ZBTB42: variants seen among roughly 807,000 people sequenced by gnomAD.
The protein encoded by ZBTB42 is zinc finger and BTB domain-containing protein 42.
ZBTB42 carries 3 observed loss-of-function variants against 4.7 expected under a neutral mutation model. The ratio of observed to expected loss-of-function variants is 0.64; its 90% CI spans 0.29 to 1.66. The LOEUF (loss-of-function observed/expected upper bound fraction) is 1.66, where lower values mean the gene tolerates loss of function less well. ZBTB42 is among the 40% of genes most tolerant of loss of function. The probability of loss-of-function intolerance (pLI) is 0.10; values close to 1 mark genes in which losing one functional copy is unlikely to be tolerated. For missense variants in ZBTB42, 521 were observed against 577.1 expected, an observed-to-expected ratio of 0.90 and a Z score of 1.00; for synonymous variants, 255 against 259.5, an observed-to-expected ratio of 0.98 and a Z score of 0.17.
In ZBTB42 at chr14:104,801,677, C is replaced by A. The variant is rs1000442977; in HGVS notation, c.480C>A (p.Pro160=). 1.3e-6 allele frequency: 2 copies of A among 1,550,168 alleles called. No homozygotes were observed. Among genetic ancestry groups the A allele is most frequent in the African/African-American group, 1.4e-5 (1 of 73,062 alleles). ...LCPAARKAKL[P]PFGVKAALPP... is the part of the protein sequence containing the mutation. ...CAGCTGCCCGAAAGGCCAAGCTCCCCCCGTTTGGGGTCAAGGCTGCCCTCC... is the reference window on the plus strand; with the variant it reads ...CAGCTGCCCGAAAGGCCAAGCTCCCACCGTTTGGGGTCAAGGCTGCCCTCC... Residue 160 remains proline, a synonymous_variant, in exon 1 of 1, where the codon CCC becomes CCA. Transcript: ENST00000342537. This position sits in a 1 kb window ranked among gnomAD's most constrained non-coding sequence, Gnocchi z 4.4.
At position 104,802,280 on chromosome 14, in the gene ZBTB42, C is replaced by T. The variant is rs1484448302; in HGVS notation, c.1083C>T (p.Pro361=). 6.5e-6 allele frequency: 10 copies of T among 1,550,302 alleles called. No individual in the cohort carries two copies. In the Admixed American group the frequency reaches 7.8e-5, roughly 12 times the overall value. ...RHERTHSGEK[P]YTCVQCGKSF... ...AGCGGACACACTCGGGTGAGAAGCC[C>T]TATACGTGTGTGCAGTGTGGCAAAA... Residue 361 remains proline, a synonymous_variant, in exon 1 of 1, where the codon CCC becomes CCT. Transcript: ENST00000342537. This position sits in a 1 kb window ranked among gnomAD's most constrained non-coding sequence, Gnocchi z 5.9.
chr14:104,801,532 A>T lies in ZBTB42; in HGVS notation c.335A>T (p.Lys112Met). 6.5e-7 allele frequency: 1 copy of T among 1,550,166 alleles called. No homozygotes were observed. ...ASYLHMYDIV[K>M]VCKGRLQEKD... is the part of the protein sequence containing the mutation. Reference sequence around the variant, plus strand: ...TACCTGCACATGTATGACATCGTCAAGGTCTGCAAGGGCAGGCTCCAGGAG... The same window carrying T: ...TACCTGCACATGTATGACATCGTCATGGTCTGCAAGGGCAGGCTCCAGGAG... The change falls in exon 1 of 1, where the codon AAG becomes ATG. Residue 112 changes from lysine (K) to methionine (M), a missense_variant. Coordinates refer to ENST00000342537, the MANE Select transcript of ZBTB42 (RefSeq NM_001137601.3). The surrounding 1 kb of genome is among the most constrained non-coding windows in gnomAD (Gnocchi z 4.4).
chr14:104,804,009 GT>G lies in ZBTB42; in HGVS notation c.*1544del, dbSNP rs1894114207. 1 of 166,738 alleles carries G rather than the reference GT, an allele frequency of 6.0e-6. No individual in the cohort carries two copies. The highest frequency in any genetic ancestry group is 1.5e-5 in the Non-Finnish European group (1 of 68,120). 10.3% of individuals were successfully genotyped at this position (166,738 alleles called of 1,614,324 possible). A position where few individuals can be genotyped will look rare whatever the true frequency, so the allele number is the denominator to read the frequency against. On this transcript the variant is annotated 3_prime_UTR_variant, in exon 1 of 1. Coordinates refer to ENST00000342537, the MANE Select transcript of ZBTB42 (RefSeq NM_001137601.3). ...CAGCCTGGGAGCCCAGCGCTTCTGG[GT>G]GATGCCCCAGGGCTCAGAGGCCCTG... is the stretch of plus-strand genomic sequence containing the variant.
At position 104,802,485 on chromosome 14, in the gene ZBTB42, G is replaced by C. The variant is rs1432357609; in HGVS notation, c.*19G>C. The C allele has an allele frequency of 6.5e-7, 1 of 1,540,402 alleles. No homozygotes were observed. The highest frequency in any genetic ancestry group is 8.8e-7 in the Non-Finnish European group (1 of 1,140,520). Reference sequence around the variant, plus strand: ...GGTGTGATGCATCCCTGTGGGTCCTGAGGGTGGGGTGGAAGGGAAGGGATG... The same window carrying C: ...GGTGTGATGCATCCCTGTGGGTCCTCAGGGTGGGGTGGAAGGGAAGGGATG... On this transcript the variant is annotated 3_prime_UTR_variant, in exon 1 of 1. Transcript: ENST00000342537. The surrounding 1 kb of genome is among the most constrained non-coding windows in gnomAD (Gnocchi z 5.9).
chr14:104,802,111 G>T lies in ZBTB42; in HGVS notation c.914G>T (p.Ser305Ile), dbSNP rs1189607760. The T allele has an allele frequency of 1.6e-5, 24 of 1,528,486 alleles. No individual in the cohort carries two copies. Among genetic ancestry groups the T allele is most frequent in the Non-Finnish European group, 2.1e-5 (24 of 1,137,608 alleles). 94.7% of individuals were successfully genotyped at this position (1,528,486 alleles called of 1,614,324 possible). Reference protein sequence around the residue: ...ICPLCSKLFPSSHVLQLHLSA... With the variant: ...ICPLCSKLFPISHVLQLHLSA... ...CCGTTGTGCAGCAAGCTGTTTCCCA[G>T]CTCCCACGTGCTGCAGCTGCACCTC... The change falls in exon 1 of 1, where the codon AGC becomes ATC. Residue 305 changes from serine (S) to isoleucine (I), a missense_variant. By Grantham distance (142) the Ser-to-Ile change is moderately radical. Transcript: ENST00000342537. The surrounding 1 kb of genome is among the most constrained non-coding windows in gnomAD (Gnocchi z 5.9).
In ZBTB42 at chr14:104,801,697, C is replaced by T. The variant is rs1292674900; in HGVS notation, c.500C>T (p.Ala167Val). 1 of 1,550,228 alleles carries T rather than the reference C, an allele frequency of 6.5e-7. No homozygotes were observed. Residue 167 changes from alanine (A) to valine (V), a missense_variant, in exon 1 of 1, where the codon GCC (alanine) becomes GTC (valine). Transcript: ENST00000342537. The surrounding 1 kb of genome is among the most constrained non-coding windows in gnomAD (Gnocchi z 4.4). ...CTCCCCCCGTTTGGGGTCAAGGCTG[C>T]CCTCCCTCCTCGAGCATCTGGGCCT... ...AKLPPFGVKA[A>V]LPPRASGPPP...
upstream of ZBTB42, chr14:104,800,626 T>C (rs1894016607): frequency 6.9e-6 from 1 of 145,060 alleles, no homozygotes; most frequent in Non-Finnish European, 1.5e-5. This position sits in a 1 kb window ranked among gnomAD's most constrained non-coding sequence, Gnocchi z 5.3. Flanking sequence ...TGCCCGCAGC[T>C]CCACGCGCGC....
In ZBTB42 at chr14:104,803,258, G is replaced by A. The variant is rs1264529481; in HGVS notation, c.*792G>A. 6.0e-6 allele frequency: 1 copy of A among 167,124 alleles called. No homozygotes were observed. The highest frequency in any genetic ancestry group is 6.5e-5 in the Admixed American group (1 of 15,320). 10.4% of individuals were successfully genotyped at this position (167,124 alleles called of 1,614,324 possible). ...TGGAACTGGATTCTCTTTAGAGCCA[G>A]GAAGAGCCTCCTGAGGCGGCCAGAT... On this transcript the variant is annotated 3_prime_UTR_variant, in exon 1 of 1. Coordinates refer to ENST00000342537, the MANE Select transcript of ZBTB42 (RefSeq NM_001137601.3).
In ZBTB42 at chr14:104,804,678, A is replaced by G. The variant is rs1284270266; in HGVS notation, c.*2212A>G. 1.2e-5 allele frequency: 2 copies of G among 166,544 alleles called. No homozygotes were observed. Among genetic ancestry groups the G allele is most frequent in the African/African-American group, 4.8e-5 (2 of 41,534 alleles). 10.3% of individuals were successfully genotyped at this position (166,544 alleles called of 1,614,324 possible). ...GGTGCTGTCTTCCTCTTTTCACATCATGGCGACAGTAATAAAGCCCACCTC... is the reference window on the plus strand; with the variant it reads ...GGTGCTGTCTTCCTCTTTTCACATCGTGGCGACAGTAATAAAGCCCACCTC... On this transcript the variant is annotated 3_prime_UTR_variant, in exon 1 of 1. Transcript: ENST00000342537.
At position 104,801,848 on chromosome 14, in the gene ZBTB42, AG is replaced by A; in HGVS notation, c.655del (p.Ala219ProfsTer5). 2 of 1,550,110 alleles carry A rather than the reference AG, an allele frequency of 1.3e-6. No individual in the cohort carries two copies. On this transcript the variant is annotated frameshift_variant, in exon 1 of 1. Transcript: ENST00000342537. LOFTEE classifies it low-confidence loss of function (END_TRUNC). The surrounding 1 kb of genome is among the most constrained non-coding windows in gnomAD (Gnocchi z 4.4). ...QTPLCSQRQPGAQPLVKDERD... is the reference protein window; with the variant it reads ...QTPLCSQRQPXAQPLVKDERD... ...CACCCCTCTGCAGCCAGAGGCAGCC[AG>A]GGGCCCAGCCACTGGTGAAGGACGA...
chr14:104,804,170 T>TGG lies in ZBTB42; in HGVS notation c.*1705_*1706insGG, dbSNP rs1367149872. On this transcript the variant is annotated 3_prime_UTR_variant, in exon 1 of 1. Transcript: ENST00000342537. ...GGGGGTGTGTGTGTGTGTGTGTGTG[T>TGG]GTGTATGTATGCATGCGTCTGGCAC... is the stretch of plus-strand genomic sequence containing the variant. 2 of 166,732 alleles carry TGG rather than the reference T, an allele frequency of 1.2e-5. No individual in the cohort carries two copies. The highest frequency in any genetic ancestry group is 1.5e-5 in the Non-Finnish European group (1 of 68,146). 10.3% of individuals were successfully genotyped at this position (166,732 alleles called of 1,614,324 possible).
Position 104,803,073 on chromosome 14 carries a change from G to A in ZBTB42, c.*607G>A. 7.0e-6 allele frequency: 1 copy of A among 142,666 alleles called. No homozygotes were observed. The allele number at this position is 142,666 out of a possible 1,614,324, so 8.8% of individuals were successfully genotyped here. A position where few individuals can be genotyped will look rare whatever the true frequency, so the allele number is the denominator to read the frequency against. On this transcript the variant is annotated 3_prime_UTR_variant, in exon 1 of 1. Coordinates refer to ENST00000342537, the MANE Select transcript of ZBTB42 (RefSeq NM_001137601.3). ...TGGGCACAGCTGGTGTCTCGGGGTG[G>A]GGGGGGGGGTGCAGCCCCAGCAGGG... is the stretch of plus-strand genomic sequence containing the variant.
In ZBTB42 at chr14:104,802,065, G is replaced by C. The variant is rs1293664879; in HGVS notation, c.868G>C (p.Gly290Arg). Residue 290 changes from glycine to arginine, a missense_variant, in exon 1 of 1, where the codon GGT becomes CGT. Transcript: ENST00000342537. This position sits in a 1 kb window ranked among gnomAD's most constrained non-coding sequence, Gnocchi z 5.9. ...GGCGAGTGAGGACGAGCTGGGGCCT[G>C]GTGGGCCCCTCTGCATCTGCCCGTT... ...RLASEDELGP[G>R]GPLCICPLCS... The C allele has an allele frequency of 1.3e-6, 2 of 1,502,698 alleles. No homozygotes were observed. The highest frequency in any genetic ancestry group is 2.5e-5 in the East Asian group (1 of 40,486). 93.1% of individuals were successfully genotyped at this position (1,502,698 alleles called of 1,614,324 possible).
chr14:104,800,798 G>T, upstream of ZBTB42: 1 of 147,992 alleles, frequency 6.8e-6, no homozygotes, highest in South Asian at 2.0e-4. The surrounding 1 kb of genome is among the most constrained non-coding windows in gnomAD (Gnocchi z 5.3). Context: ...TGGGGCCGGC[G>T]GCGGCGGCAT....
Position 104,801,673 on chromosome 14 carries a change from TC to T in ZBTB42, c.482del (p.Pro161ArgfsTer32). 6.5e-7 allele frequency: 1 copy of T among 1,550,026 alleles called. No individual in the cohort carries two copies. The highest frequency in any genetic ancestry group is 1.2e-5 in the South Asian group (1 of 84,036). On this transcript the variant is annotated frameshift_variant, in exon 1 of 1. Transcript: ENST00000342537. LOFTEE classifies it low-confidence loss of function (END_TRUNC). This position sits in a 1 kb window ranked among gnomAD's most constrained non-coding sequence, Gnocchi z 4.4. ...TGCCCAGCTGCCCGAAAGGCCAAGC[TC>T]CCCCCGTTTGGGGTCAAGGCTGCCC... is the stretch of plus-strand genomic sequence containing the variant. ...DLCPAARKAKLPPFGVKAALP... is the reference protein window; with the variant it reads ...DLCPAARKAKXPPFGVKAALP...
chr14:104,801,056 C>T (rs1408057244), upstream of ZBTB42: 3 of 1,119,978 alleles, frequency 2.7e-6, no homozygotes, highest in Non-Finnish European at 3.5e-6. This position sits in a 1 kb window ranked among gnomAD's most constrained non-coding sequence, Gnocchi z 4.4. Context: ...CAGGTGCCCG[C>T]GGCGGCTCTG....
Position 104,801,570 on chromosome 14 carries a change from C to G in ZBTB42, c.373C>G (p.Leu125Val). The G allele has an allele frequency of 2.6e-6, 4 of 1,549,902 alleles. No homozygotes were observed. The highest frequency in any genetic ancestry group is 3.5e-6 in the Non-Finnish European group (4 of 1,146,676). Residue 125 changes from leucine (L) to valine (V), a missense_variant, in exon 1 of 1, where the codon CTG (leucine) becomes GTG (valine). By Grantham distance (32) the Leu-to-Val change is conservative. Transcript: ENST00000342537. This position sits in a 1 kb window ranked among gnomAD's most constrained non-coding sequence, Gnocchi z 4.4. ...KGRLQEKDRS[L>V]DPGNPAPGAE... The stretch of plus-strand genomic sequence containing the variant: ...CAGGCTCCAGGAGAAGGATCGAAGT[C>G]TGGACCCGGGGAACCCTGCCCCTGG...
Position 104,801,479 on chromosome 14 carries a change from T to A in ZBTB42, c.282T>A (p.Pro94=). 1 of 1,550,202 alleles carries A rather than the reference T, an allele frequency of 6.5e-7. No individual in the cohort carries two copies. The highest frequency in any genetic ancestry group is 2.0e-5 in the Admixed American group (1 of 51,010). ...YEGRLDLRSL[P]VEDVLAAASY... Reference sequence around the variant, plus strand: ...GCCGCCTGGACCTGCGCAGCCTGCCTGTGGAGGACGTCCTGGCAGCCGCCA... The same window carrying A: ...GCCGCCTGGACCTGCGCAGCCTGCCAGTGGAGGACGTCCTGGCAGCCGCCA... Residue 94 remains proline (P), a synonymous_variant, in exon 1 of 1, where the codon CCT becomes CCA. Transcript: ENST00000342537. The surrounding 1 kb of genome is among the most constrained non-coding windows in gnomAD (Gnocchi z 4.4).
rs1396954734 is a variant in ZBTB42 at position 104,801,872 on chromosome 14, C to G, written c.675C>G (p.Asp225Glu). 1 of 1,549,658 alleles carries G rather than the reference C, an allele frequency of 6.5e-7. No individual in the cohort carries two copies. The highest frequency in any genetic ancestry group is 2.0e-5 in the Admixed American group (1 of 51,002). Residue 225 changes from aspartate (D) to glutamate (E), a missense_variant, in exon 1 of 1, where the codon GAC becomes GAG. By Grantham distance (45) the Asp-to-Glu change is conservative. Coordinates refer to ENST00000342537, the MANE Select transcript of ZBTB42 (RefSeq NM_001137601.3). This position sits in a 1 kb window ranked among gnomAD's most constrained non-coding sequence, Gnocchi z 4.4. The stretch of plus-strand genomic sequence containing the variant: ...CAGGGGCCCAGCCACTGGTGAAGGA[C>G]GAACGGGACTCACTGTCCGAACAGG... ...RQPGAQPLVK[D>E]ERDSLSEQEE...
Sources: gnomAD v4.1 joint callset for allele counts on GRCh38, gnomAD v4.1.1 for gene constraint, Gnocchi (gnomAD v3.1) non-coding constraint, MANE v1.5 for transcripts, NCBI Gene and HGNC (gene_info 2026-07-23, HGNC 2026-07-21) for gene names.